ATP6V1C2: variants seen among roughly 807,000 people sequenced by gnomAD.
ATP6V1C2 encodes the protein V-type proton ATPase subunit C 2.
In ATP6V1C2, 45 loss-of-function variants were observed where a neutral mutation model predicts 56.8. The observed-to-expected ratio is 0.79, with a 90% confidence interval of 0.62 to 1.02. ATP6V1C2 has a LOEUF of 1.02. Ranked by LOEUF, ATP6V1C2 falls within the 50% of genes least tolerant of loss-of-function variation. The pLI, the probability that ATP6V1C2 is intolerant of heterozygous loss-of-function variation, is 0.00. For synonymous variants in ATP6V1C2, 220 were observed against 201.3 expected (o/e 1.09, Z -0.79); for missense variants, 463 against 519.7 (o/e 0.89, Z 1.06).
intron 4 of ATP6V1C2, 51 bp from the exon 5 acceptor site, chr2:10,764,280 A>G (rs2148480212): frequency 1.4e-6 from 2 of 1,476,328 alleles, no homozygotes; most frequent in South Asian, 1.1e-5. Flanking sequence ...AGTCTCAATC[A>G]TGGATGCAGA....
chr2:10,740,006 TA>T (rs1662460671), intron 3 of ATP6V1C2, among the ~76,000 whole-genome samples: 1 of 118,412 alleles, frequency 8.4e-6, no homozygotes, highest in Non-Finnish European at 1.8e-5. Flanking sequence ...GAGAATCACT[TA>T]AACCCAGGAG....
chr2:10,743,541 A>T (rs137906151), intron 3 of ATP6V1C2, among the ~76,000 whole-genome samples: 198 of 152,004 alleles, frequency 1.3e-3, no homozygotes, highest in Non-Finnish European at 2.5e-3. Context: ...CACATGAGCC[A>T]GTATAGCAGA....
chr2:10,757,304 C>T (rs1663614738), intron 4 of ATP6V1C2: 7 of 389,054 alleles, frequency 1.8e-5, no homozygotes, highest in Admixed American at 4.5e-5. Flanking sequence ...TGAGCCACCG[C>T]GCCCGGCCAG....
chr2:10,751,834 G>T (rs1413227260), intron 3 of ATP6V1C2, among the ~76,000 whole-genome samples: 2 of 152,180 alleles, frequency 1.3e-5, no homozygotes, highest in African/African-American at 4.8e-5. Context: ...CTGGCTGGGC[G>T]CAGTGACTCA....
chr2:10,778,736 G>A, intron 12 of ATP6V1C2, 67 bp downstream of exon 12: 1 of 1,487,214 alleles, frequency 6.7e-7, no homozygotes, highest in Non-Finnish European at 9.4e-7. Flanking sequence ...GAGCTATCGG[G>A]GCACCCCAGC....
chr2:10,760,645 T>C (rs183348938), intron 4 of ATP6V1C2, among the ~76,000 whole-genome samples: 43 of 152,188 alleles, frequency 2.8e-4, no homozygotes, highest in African/African-American at 1.0e-3. Flanking sequence ...CATGCAGAGG[T>C]GATACACAGT....
chr2:10,726,622 G>T, intron 3 of ATP6V1C2, 53 bp downstream of exon 3: 2 of 1,492,090 alleles, frequency 1.3e-6, no homozygotes, highest in South Asian at 2.3e-5. Context: ...ATTGTTGTCA[G>T]AGGACACAGT....
intron 3 of ATP6V1C2, among the ~76,000 whole-genome samples, chr2:10,734,403 T>C (rs1178717969): frequency 6.6e-6 from 1 of 152,168 alleles, no homozygotes; most frequent in Non-Finnish European, 1.5e-5. Flanking sequence ...GACGTCTTCT[T>C]GTGGGATTAT....
intron 12 of ATP6V1C2, among the ~76,000 whole-genome samples, chr2:10,779,687 GAA>G (rs555256673): frequency 0.019 from 990 of 52,092 alleles, 8 homozygotes; most frequent in Middle Eastern, 0.032. Context: ...TCCGGCTATA[GAA>G]AAAAAAAAAA....
At chr2:10,735,545 AATT>A (rs946125451) in intron 3 of ATP6V1C2, among the ~76,000 whole-genome samples, 39 of 151,128 alleles carry the variant, frequency 2.6e-4, no homozygotes, top group South Asian at 2.1e-4. Context: ...AGCTCTAGAG[AATT>A]ATTATCAAAT....
intron 2 of ATP6V1C2, among the ~76,000 whole-genome samples, chr2:10,723,448 G>A (rs73914808): frequency 0.017 from 2,565 of 152,226 alleles, 66 homozygotes; most frequent in African/African-American, 0.058. Flanking sequence ...TGAGGGAGGG[G>A]AAGGGAGGGA....
chr2:10,743,108 A>G (rs1662657933), intron 3 of ATP6V1C2, among the ~76,000 whole-genome samples: 1 of 152,064 alleles, frequency 6.6e-6, no homozygotes, highest in African/African-American at 2.4e-5. Context: ...GTCTATTTGA[A>G]TTACCATGAT....
intron 4 of ATP6V1C2, among the ~76,000 whole-genome samples, chr2:10,761,514 T>C (rs1174015008): frequency 1.3e-5 from 2 of 152,168 alleles, no homozygotes; most frequent in East Asian, 1.9e-4. Flanking sequence ...TGTGTGGCAA[T>C]ACCAAAGCCT....
intron 3 of ATP6V1C2, among the ~76,000 whole-genome samples, chr2:10,750,483 T>G (rs901156631): frequency 1.3e-5 from 2 of 150,436 alleles, no homozygotes; most frequent in Non-Finnish European, 3.0e-5. Context: ...ACCACTGCAC[T>G]CCAGCCTGGG....
At chr2:10,726,160 G>A (rs563611449) in intron 2 of ATP6V1C2, among the ~76,000 whole-genome samples, 112 of 152,244 alleles carry the variant, frequency 7.4e-4, no homozygotes, top group African/African-American at 2.4e-3. Context: ...TCTTTAACTT[G>A]CTTTCTGGTG....
chr2:10,726,860 C>A (rs549217022), intron 3 of ATP6V1C2, among the ~76,000 whole-genome samples: 1 of 152,238 alleles, frequency 6.6e-6, no homozygotes, highest in South Asian at 2.1e-4. Flanking sequence ...AGTTTCCCAC[C>A]AAGCCTTTTT....
chr2:10,775,388 A>G (rs1664899463), intron 10 of ATP6V1C2, among the ~76,000 whole-genome samples: 1 of 152,212 alleles, frequency 6.6e-6, no homozygotes, highest in Non-Finnish European at 1.5e-5. Context: ...GTATGGAGAA[A>G]CTGAGGCTCT....
intron 3 of ATP6V1C2, among the ~76,000 whole-genome samples, chr2:10,742,287 A>G (rs1662595706): frequency 6.6e-6 from 1 of 152,148 alleles, no homozygotes; most frequent in Admixed American, 6.5e-5. Context: ...GGAGGGAGAA[A>G]GCCTTCTCTT....
chr2:10,734,673 T>A (rs935609165), intron 3 of ATP6V1C2, among the ~76,000 whole-genome samples: 5 of 152,084 alleles, frequency 3.3e-5, no homozygotes, highest in Non-Finnish European at 5.9e-5. Context: ...CAACTTGCCA[T>A]TAATGGTCTG....
Sources: allele counts gnomAD v4.1 joint callset (sites outside exome capture counted in the v4.1 genomes callset), GRCh38; gene constraint gnomAD v4.1.1; transcripts MANE v1.5; gene names NCBI Gene and HGNC (gene_info 2026-07-23, HGNC 2026-07-21).